The following PRELID2 variants were observed in gnomAD, a reference collection of about 807,000 sequenced individuals.
PRELID2 encodes PRELI domain-containing protein 2.
PRELID2 carries 25 observed loss-of-function variants against 28.4 expected under a neutral mutation model. That is an observed-to-expected ratio of 0.88 (90% CI 0.64 to 1.23). PRELID2 has a LOEUF of 1.23. PRELID2 is among the 50% of genes most tolerant of loss of function. The pLI is 0.00. For synonymous variants in PRELID2, 76 were observed against 71.6 expected, an observed-to-expected ratio of 1.06 and a Z score of -0.31; for missense variants, 201 against 214.4, an observed-to-expected ratio of 0.94 and a Z score of 0.39.
chr5:145,607,780 C>G (rs1240606911), intron 1 of PRELID2, among the ~76,000 whole-genome samples: 2 of 152,066 alleles, frequency 1.3e-5, no homozygotes, highest in Admixed American at 6.6e-5. Context: ...ATGTCAAGTT[C>G]AGGTCCTGAA....
downstream of PRELID2, among the ~76,000 whole-genome samples, chr5:145,469,556 T>G (rs937430184): frequency 1.3e-5 from 2 of 152,022 alleles, no homozygotes; most frequent in African/African-American, 4.8e-5. Flanking sequence ...AGATGGAAAC[T>G]TCCATTAAGC....
At chr5:145,824,431 T>TGG (rs1019555263) in intron 1 of PRELID2, among the ~76,000 whole-genome samples, 12 of 120,354 alleles carry the variant, frequency 1.0e-4, no homozygotes, top group Middle Eastern at 4.1e-3. Context: ...CAGGCGTGTG[T>TGG]GTGTGTGTGT....
chr5:145,587,902 A>T (rs920454942), intron 1 of PRELID2, among the ~76,000 whole-genome samples: 1 of 152,200 alleles, frequency 6.6e-6, no homozygotes, highest in Admixed American at 6.6e-5. Flanking sequence ...TTGAAGTATG[A>T]TAGCAAATGA....
chr5:145,424,473 T>C, the PRELID2 span, among the ~76,000 whole-genome samples: 1 of 152,212 alleles, frequency 6.6e-6, no homozygotes, highest in Non-Finnish European at 1.5e-5. Context: ...AAAAGCGCAG[T>C]ATTCGGGTGG....
At chr5:145,821,229 G>A (rs1334653466) in intron 2 of PRELID2, among the ~76,000 whole-genome samples, 1 of 103,100 alleles carries the variant, frequency 9.7e-6, no homozygotes, top group African/African-American at 3.1e-5. Context: ...CTGTGTGTGT[G>A]TATGTGTGTG....
chr5:145,538,853 A>T (rs899883684), intron 1 of PRELID2, among the ~76,000 whole-genome samples: 1 of 151,892 alleles, frequency 6.6e-6, no homozygotes, highest in African/African-American at 2.4e-5. Context: ...TGAATGAAGC[A>T]AATTTTTGAA....
the PRELID2 span, among the ~76,000 whole-genome samples, chr5:145,328,909 G>A: frequency 7.2e-5 from 11 of 152,062 alleles, no homozygotes; most frequent in Non-Finnish European, 1.3e-4. Context: ...ATGATTTTAG[G>A]TCTCACATTT....
intron 1 of PRELID2, among the ~76,000 whole-genome samples, chr5:145,604,280 G>T (rs908624408): frequency 6.6e-6 from 1 of 151,884 alleles, no homozygotes; most frequent in Non-Finnish European, 1.5e-5. Flanking sequence ...AGTGTCTGTT[G>T]TTCCTTTCTT....
chr5:145,303,340 C>A, the PRELID2 span, among the ~76,000 whole-genome samples: 3 of 152,076 alleles, frequency 2.0e-5, no homozygotes, highest in African/African-American at 7.2e-5. Context: ...GATTGTAAGC[C>A]CCCACCAAAA....
chr5:145,269,014 A>T, the PRELID2 span, among the ~76,000 whole-genome samples: 12,679 of 152,150 alleles, frequency 0.083, 924 homozygotes, highest in East Asian at 0.34. Context: ...CTAAAACAGC[A>T]TTGATAGAAA....
the PRELID2 span, among the ~76,000 whole-genome samples, chr5:145,276,786 G>A: frequency 1.3e-5 from 2 of 151,978 alleles, no homozygotes; most frequent in Non-Finnish European, 2.9e-5. Context: ...TGCAATGATA[G>A]AACTTTCAAA....
At chr5:145,698,177 T>C (rs1235066194) in intron 1 of PRELID2, among the ~76,000 whole-genome samples, 1 of 152,194 alleles carries the variant, frequency 6.6e-6, no homozygotes, top group African/African-American at 2.4e-5. Flanking sequence ...AAACCTCATA[T>C]ATTTATTCAT....
At chr5:145,606,642 T>C (rs542134311) in intron 1 of PRELID2, among the ~76,000 whole-genome samples, 1 of 152,330 alleles carries the variant, frequency 6.6e-6, no homozygotes, top group African/African-American at 2.4e-5. Context: ...ATTAAGTTTT[T>C]GATGTGCTGC....
rs576332615 is a variant in PRELID2, at chr5:145,793,603, G to C, written c.474+2839C>G. 2.6e-5 allele frequency among the ~76,000 whole-genome samples: 4 copies of C among 152,256 alleles called. No homozygotes were observed. The South Asian group carries it at 8.3e-4, about 32-fold the overall frequency. On this transcript the variant is annotated intron_variant, in intron 5 of 6. Coordinates refer to ENST00000683046, the MANE Select transcript of PRELID2 (RefSeq NM_205846.3). ...AAAAAGTAAGTCAGAAAAGGCAAAAGCTAGCAGGAAAAATATATTCTTACT... is the reference window on the plus strand; with the variant it reads ...AAAAAGTAAGTCAGAAAAGGCAAAACCTAGCAGGAAAAATATATTCTTACT...
the PRELID2 span, among the ~76,000 whole-genome samples, chr5:145,382,310 C>A: frequency 6.6e-6 from 1 of 151,296 alleles, no homozygotes; most frequent in Non-Finnish European, 1.5e-5. Flanking sequence ...ATTGAAGTTC[C>A]AAAAAAATAA....
At chr5:145,727,177 C>A (rs1756193869) in intron 1 of PRELID2, among the ~76,000 whole-genome samples, 1 of 152,098 alleles carries the variant, frequency 6.6e-6, no homozygotes, top group Non-Finnish European at 1.5e-5. Flanking sequence ...TTTATATGGC[C>A]AATTCCAAGA....
chr5:145,252,678 T>C, the PRELID2 span, among the ~76,000 whole-genome samples: 1 of 152,050 alleles, frequency 6.6e-6, no homozygotes, highest in African/African-American at 2.4e-5. Flanking sequence ...GACAATACCT[T>C]AGATCAAAGA....
At chr5:145,693,671 G>A (rs1426362083) in intron 1 of PRELID2, among the ~76,000 whole-genome samples, 1 of 152,280 alleles carries the variant, frequency 6.6e-6, no homozygotes, top group South Asian at 2.1e-4. Flanking sequence ...CTACTCAGGA[G>A]GCTGAGGTGA....
At chr5:145,342,359 G>A in the PRELID2 span, among the ~76,000 whole-genome samples, 1 of 151,948 alleles carries the variant, frequency 6.6e-6, no homozygotes, top group Non-Finnish European at 1.5e-5. Flanking sequence ...GAAGAGAAAG[G>A]ATTCAAATGA....
Sources: allele counts gnomAD v4.1 joint callset (sites outside exome capture counted in the v4.1 genomes callset), GRCh38; gene constraint gnomAD v4.1.1; transcripts MANE v1.5; gene names NCBI Gene and HGNC (gene_info 2026-07-23, HGNC 2026-07-21).